TACC2: variants seen among roughly 807,000 people sequenced by gnomAD.
TACC2 encodes transforming acidic coiled-coil-containing protein 2.
A neutral mutation model predicts 227.3 loss-of-function variants in TACC2; 137 were observed. That is an observed-to-expected ratio of 0.60 (90% confidence interval 0.52 to 0.69). The LOEUF is 0.69. Ranked by LOEUF, TACC2 falls within the 30% of genes least tolerant of loss-of-function variation. TACC2 has a pLI of 0.00. For synonymous variants in TACC2, 1,523 were observed against 1,487.5 expected (o/e 1.02, Z -0.55); for missense variants, 3,470 against 3,694.4 (o/e 0.94, Z 1.57).
At chr10:122,144,919 T>C (rs774197869) in intron 7 of TACC2, among the ~76,000 whole-genome samples, 5 of 152,172 alleles carry the variant, frequency 3.3e-5, no homozygotes, top group Admixed American at 6.6e-5. Flanking sequence ...TGGTCTGCCA[T>C]AATTCTTGGC....
Position 122,034,329 on chromosome 10 carries a change from C to T in TACC2, c.33+12315C>T, listed in dbSNP as rs567924801. Among the ~76,000 whole-genome samples, 7 of 152,280 alleles carry T rather than the reference C, an allele frequency of 4.6e-5. No homozygotes were observed. The East Asian group carries it at 1.4e-3, about 29-fold the overall frequency. ...TTTTCATACATGAGTTCATCTGCTT[C>T]TCTTCATTATTCCATGAGCTGGGCT... On this transcript the variant is annotated intron_variant, in intron 2 of 22. Transcript: ENST00000369005.
At chr10:122,048,165 T>C in intron 2 of TACC2, among the ~76,000 whole-genome samples, 1 of 152,136 alleles carries the variant, frequency 6.6e-6, no homozygotes, top group East Asian at 1.9e-4. Context: ...AAGATTAATT[T>C]ACAAAATCCA....
At chr10:122,107,143 C>T (rs533214304) in intron 5 of TACC2, among the ~76,000 whole-genome samples, 9 of 152,198 alleles carry the variant, frequency 5.9e-5, no homozygotes, top group Admixed American at 2.0e-4. Flanking sequence ...AGTAAGGAAA[C>T]AAGGAGGAAG....
chr10:122,063,507 T>G (rs12570464), intron 3 of TACC2, among the ~76,000 whole-genome samples: 8,585 of 152,326 alleles, frequency 0.056, 352 homozygotes, highest in East Asian at 0.19. Flanking sequence ...GTCTGTTTTC[T>G]GCTCCTCTGG....
intron 3 of TACC2, among the ~76,000 whole-genome samples, chr10:122,071,394 C>G (rs954893782): frequency 2.6e-5 from 4 of 152,124 alleles, no homozygotes; most frequent in African/African-American, 9.7e-5. Context: ...AGCAGCCAGT[C>G]TGGGAATCAC....
chr10:122,105,988 ATTTT>A (rs35421851), intron 5 of TACC2, among the ~76,000 whole-genome samples: 1 of 124,686 alleles, frequency 8.0e-6, no homozygotes, highest in Non-Finnish European at 1.6e-5. Context: ...ATACATATAC[ATTTT>A]TTTTTTTTTT....
chr10:122,085,421 T>C lies in TACC2; in HGVS notation c.2921T>C (p.Leu974Pro), dbSNP rs1051623851. 3 of 1,613,810 alleles carry C rather than the reference T, an allele frequency of 1.9e-6. No homozygotes were observed. Among genetic ancestry groups the C allele is most frequent in the Non-Finnish European group, 2.5e-6 (3 of 1,180,058 alleles). ...GCAGATGTCTTAAAAGACTTTTCTCTTGCAGGGAACTTCAGCAGAAAGGAA... is the reference window on the plus strand; with the variant it reads ...GCAGATGTCTTAAAAGACTTTTCTCCTGCAGGGAACTTCAGCAGAAAGGAA... Reference protein sequence around the residue: ...PAADVLKDFSLAGNFSRKETC... With the variant: ...PAADVLKDFSPAGNFSRKETC... Residue 974 changes from leucine (L) to proline (P), a missense_variant, in exon 4 of 23, where the codon CTT (leucine) becomes CCT (proline). Physicochemically the swap from Leu to Pro is moderately conservative, Grantham distance 98. Coordinates refer to ENST00000369005, the MANE Select transcript of TACC2 (RefSeq NM_206862.4).
chr10:122,163,864 G>A, intron 7 of TACC2: 1 of 1,521,536 alleles, frequency 6.6e-7, no homozygotes, highest in South Asian at 1.2e-5. Context: ...CCCGGCTGCA[G>A]GAATCGCGCC....
chr10:122,078,418 C>T (rs917909957), intron 3 of TACC2, among the ~76,000 whole-genome samples: 1 of 152,056 alleles, frequency 6.6e-6, no homozygotes, highest in African/African-American at 2.4e-5. Context: ...CATTTAAGAA[C>T]CCATCTGCAT....
At chr10:122,162,856 C>CACGCA (rs1297083167) in intron 7 of TACC2, among the ~76,000 whole-genome samples, 1 of 152,150 alleles carries the variant, frequency 6.6e-6, no homozygotes, top group Admixed American at 6.5e-5. Flanking sequence ...TTGCCCTGTA[C>CACGCA]ACGCATGCTG....
At chr10:122,142,385 G>T (rs1276396668) in intron 6 of TACC2, among the ~76,000 whole-genome samples, 1 of 152,250 alleles carries the variant, frequency 6.6e-6, no homozygotes, top group Admixed American at 6.5e-5. Context: ...CTGAGGCCAG[G>T]ACGGTGAGGG....
chr10:122,186,473 G>GACGAGC (rs2094196659), intron 7 of TACC2, among the ~76,000 whole-genome samples: 1 of 152,144 alleles, frequency 6.6e-6, no homozygotes, highest in African/African-American at 2.4e-5. Flanking sequence ...CAGTCTAGGT[G>GACGAGC]ACGAGCAAGA....
chr10:121,993,806 C>A (rs975594899), intron 1 of TACC2, among the ~76,000 whole-genome samples: 4 of 151,944 alleles, frequency 2.6e-5, no homozygotes, highest in African/African-American at 9.7e-5. Flanking sequence ...TTTTGTTGTA[C>A]TTTTAGTAGA....
intron 7 of TACC2, among the ~76,000 whole-genome samples, chr10:122,193,781 A>C (rs915117656): frequency 5.9e-5 from 9 of 152,144 alleles, no homozygotes; most frequent in Non-Finnish European, 1.3e-4. Flanking sequence ...TGGGCTCAGG[A>C]CCGTGGGCCC....
rs1261805424 is a variant in TACC2, at chr10:122,085,782, G to A, written c.3282G>A (p.Pro1094=). Residue 1094 remains proline, a synonymous_variant, in exon 4 of 23, where the codon CCG becomes CCA. Coordinates refer to ENST00000369005, the MANE Select transcript of TACC2 (RefSeq NM_206862.4). ...ETQEGRQQPV[P]APQQKMECWA... The stretch of plus-strand genomic sequence containing the variant: ...AGGAAGGCAGGCAGCAACCAGTGCC[G>A]GCCCCGCAGCAGAAAATGGAGTGCT... 9 of 1,613,532 alleles carry A rather than the reference G, an allele frequency of 5.6e-6. No individual in the cohort carries two copies. The highest frequency in any genetic ancestry group is 2.2e-5 in the East Asian group (1 of 44,876).
At chr10:122,071,828 A>G (rs980760715) in intron 3 of TACC2, among the ~76,000 whole-genome samples, 8 of 149,266 alleles carry the variant, frequency 5.4e-5, no homozygotes, top group Middle Eastern at 3.5e-3. Flanking sequence ...TGGAGGTTGC[A>G]GTAAGCCGAG....
intron 11 of TACC2, among the ~76,000 whole-genome samples, chr10:122,217,226 C>G (rs914303333): frequency 2.0e-5 from 3 of 151,920 alleles, no homozygotes; most frequent in South Asian, 4.2e-4. Flanking sequence ...CTTGGTGCCA[C>G]CGTTATTCCT....
At chr10:122,195,895 T>C (rs1246259612) in intron 8 of TACC2, among the ~76,000 whole-genome samples, 2 of 152,178 alleles carry the variant, frequency 1.3e-5, no homozygotes, top group African/African-American at 4.8e-5. Context: ...CAGGTGGTAT[T>C]GTCCTTGGGC....
intron 3 of TACC2, among the ~76,000 whole-genome samples, chr10:122,063,290 CTAAGA>C (rs893541350): frequency 6.6e-6 from 1 of 152,222 alleles, no homozygotes; most frequent in African/African-American, 2.4e-5. Context: ...TGGGAGGACT[CTAAGA>C]TCAATTCCCA....
Sources: gnomAD v4.1 joint callset for allele counts (sites outside exome capture counted in the v4.1 genomes callset) on GRCh38, gnomAD v4.1.1 for gene constraint, MANE v1.5 for transcripts, NCBI Gene and HGNC (gene_info 2026-07-23, HGNC 2026-07-21) for gene names.